The following CCDC171 variants were observed in gnomAD, a reference collection of about 807,000 sequenced individuals.
CCDC171 encodes the protein coiled-coil domain-containing protein 171.
CCDC171 carries 177 observed loss-of-function variants against 168.2 expected under a neutral mutation model. The observed-to-expected ratio is 1.05, with a 90% CI of 0.93 to 1.19. The LOEUF is 1.19. CCDC171 is among the 50% of genes most tolerant of loss of function. CCDC171 has a pLI of 0.00. For missense variants in CCDC171, 1,991 were observed against 1,539.0 expected, an observed-to-expected ratio of 1.29 and a Z score of -4.91; for synonymous variants, 687 against 540.8, an observed-to-expected ratio of 1.27 and a Z score of -3.75.
In CCDC171 at chr9:15,695,298, A is replaced by G. The variant is rs760544123; in HGVS notation, c.1279A>G (p.Ile427Val). 1 of 1,614,134 alleles carries G rather than the reference A, an allele frequency of 6.2e-7. No individual in the cohort carries two copies. The highest frequency in any genetic ancestry group is 1.1e-5 in the South Asian group (1 of 91,080). The change falls in exon 11 of 26, where the codon ATC (isoleucine) becomes GTC (valine). Residue 427 changes from isoleucine (I) to valine (V), a missense_variant. Physicochemically the swap from Ile to Val is conservative, Grantham distance 29. Coordinates refer to ENST00000380701, the MANE Select transcript of CCDC171 (RefSeq NM_173550.4). Reference sequence around the variant, plus strand: ...AAATAACGTGAAAGAATTGGAATCGATCTTGGACAGCTTTACTGTGTCGGG... The same window carrying G: ...AAATAACGTGAAAGAATTGGAATCGGTCTTGGACAGCTTTACTGTGTCGGG... The part of the protein sequence containing the change: ...CENNVKELES[I>V]LDSFTVSGQW...
At chr9:15,677,806 T>TAC (rs576144654) in intron 9 of CCDC171, among the ~76,000 whole-genome samples, 22 of 136,932 alleles carry the variant, frequency 1.6e-4, no homozygotes, top group Admixed American at 3.0e-4. Flanking sequence ...CTCATATATA[T>TAC]ACACACACAC....
intron 22 of CCDC171, 135 bp downstream of exon 22, chr9:15,846,982 G>A: frequency 1.5e-6 from 1 of 673,362 alleles, no homozygotes. Context: ...GAAATTCTCT[G>A]ATATATCCTC....
rs201458239 is a variant in CCDC171, at chr9:15,828,325, A to G, written c.3268-18377A>G. 2.3e-3 allele frequency among the ~76,000 whole-genome samples: 111 copies of G among 47,448 alleles called. No individual in the cohort carries two copies. In the East Asian group the frequency reaches 0.064, roughly 27 times the overall value. 31.1% of individuals were successfully genotyped at this position (47,448 alleles called of 152,430 possible). On this transcript the variant is annotated intron_variant, in intron 21 of 25. Transcript: ENST00000380701. ...ATTTGGAAGGCAGGAGGTAAAAGAG[A>G]AGATACAGAAAAAAAAAAACAGGAC...
At chr9:15,780,928 C>A (rs1191737919) in intron 20 of CCDC171, among the ~76,000 whole-genome samples, 3 of 151,990 alleles carry the variant, frequency 2.0e-5, no homozygotes, top group African/African-American at 4.8e-5. Flanking sequence ...AAAACGAATT[C>A]TTTTGAAGCA....
chr9:15,993,691 C>G (rs1413368766), intron 3 of CCDC171, among the ~76,000 whole-genome samples: 2 of 152,148 alleles, frequency 1.3e-5, no homozygotes, highest in East Asian at 3.8e-4. Flanking sequence ...TTGCAATCTA[C>G]TCATCTGACA....
intron 5 of CCDC171, 33 bp from the exon 6 acceptor site, chr9:15,594,008 C>G: frequency 6.7e-7 from 1 of 1,492,200 alleles, no homozygotes; most frequent in South Asian, 1.2e-5. Flanking sequence ...TTTTATTGAT[C>G]TAACAGTAAA....
chr9:15,576,292 T>C (rs984476125), intron 3 of CCDC171, among the ~76,000 whole-genome samples: 4 of 151,990 alleles, frequency 2.6e-5, no homozygotes, highest in African/African-American at 9.7e-5. Context: ...CAAGTGATTT[T>C]ATGCTGTAGC....
intron 6 of CCDC171, among the ~76,000 whole-genome samples, chr9:15,608,215 C>T (rs1344015110): frequency 6.6e-6 from 1 of 152,162 alleles, no homozygotes; most frequent in East Asian, 1.9e-4. Context: ...TTAAAGGCCC[C>T]ACTTCTCAAA....
At chr9:15,833,224 T>C (rs1175239954) in intron 21 of CCDC171, among the ~76,000 whole-genome samples, 1 of 152,060 alleles carries the variant, frequency 6.6e-6, no homozygotes, top group Non-Finnish European at 1.5e-5. Context: ...ACTCCTGACC[T>C]CTGGTGATCT....
intron 11 of CCDC171, among the ~76,000 whole-genome samples, chr9:15,715,589 A>T (rs2053018679): frequency 6.6e-6 from 1 of 152,252 alleles, no homozygotes; most frequent in South Asian, 2.1e-4. Context: ...TCAAAACATG[A>T]ACGTGACTAC....
chr9:16,058,665 G>A (rs548569316), intron 1 of CCDC171, among the ~76,000 whole-genome samples: 2 of 152,296 alleles, frequency 1.3e-5, no homozygotes, highest in East Asian at 3.9e-4. Flanking sequence ...CCAATTCCCC[G>A]CTGTGTTTCC....
intron 25 of CCDC171, among the ~76,000 whole-genome samples, chr9:15,944,581 T>A (rs1448060260): frequency 6.6e-6 from 1 of 152,024 alleles, no homozygotes; most frequent in Non-Finnish European, 1.5e-5. Context: ...TATTACGTAT[T>A]GAAGCAAATA....
At chr9:15,803,213 G>A (rs1563764330) in intron 21 of CCDC171, among the ~76,000 whole-genome samples, 2 of 152,136 alleles carry the variant, frequency 1.3e-5, no homozygotes, top group Admixed American at 1.3e-4. Flanking sequence ...TAGGTTGTCT[G>A]TTTACTCCAT....
intron 1 of CCDC171, among the ~76,000 whole-genome samples, chr9:15,561,735 C>T (rs1313389689): frequency 6.6e-6 from 1 of 152,004 alleles, no homozygotes; most frequent in East Asian, 1.9e-4. Flanking sequence ...TTTGGTCCTT[C>T]ATTGATTTAG....
chr9:15,560,506 C>A (rs535117853), intron 1 of CCDC171, among the ~76,000 whole-genome samples: 1 of 152,026 alleles, frequency 6.6e-6, no homozygotes, highest in Non-Finnish European at 1.5e-5. Context: ...CTCCTTCTTC[C>A]ACTTGATCAA....
intron 25 of CCDC171, among the ~76,000 whole-genome samples, chr9:15,950,886 G>T (rs1473780271): frequency 6.6e-6 from 1 of 151,130 alleles, no homozygotes; most frequent in Non-Finnish European, 1.5e-5. Flanking sequence ...GCCATCTCAC[G>T]TGCAGAGACA....
intron 17 of CCDC171, among the ~76,000 whole-genome samples, 179 bp downstream of exon 17, chr9:15,744,956 G>C (rs972311270): frequency 6.6e-6 from 1 of 152,118 alleles, no homozygotes; most frequent in Non-Finnish European, 1.5e-5. Context: ...TATAAATTAG[G>C]CTGTGATTTT....
In CCDC171 at chr9:15,820,547, C is replaced by A. The variant is rs1198831650; in HGVS notation, c.3268-26155C>A. Among the ~76,000 whole-genome samples, 2 of 117,372 alleles carry A rather than the reference C, an allele frequency of 1.7e-5. 1 individual carries two copies. The highest frequency in any genetic ancestry group is 1.6e-4 in the Admixed American group (2 of 12,436). 77.0% of individuals were successfully genotyped at this position (117,372 alleles called of 152,430 possible). On this transcript the variant is annotated intron_variant, in intron 21 of 25. Coordinates refer to ENST00000380701, the MANE Select transcript of CCDC171 (RefSeq NM_173550.4). ...CAGAAATACAAACTACCATCAGAGA[C>A]TGCTATAAACACCTCTATGCAAATA... is the stretch of plus-strand genomic sequence containing the variant.
intron 24 of CCDC171, among the ~76,000 whole-genome samples, chr9:15,919,026 TAGTAAAGAAGATAA>T (rs1183767406): frequency 6.6e-6 from 1 of 151,640 alleles, no homozygotes; most frequent in Non-Finnish European, 1.5e-5. Flanking sequence ...CTTCTCAGTC[TAGTAAAGAAGATAA>T]ACATGTAAAC....
Sources: allele counts gnomAD v4.1 joint callset (sites outside exome capture counted in the v4.1 genomes callset), GRCh38; gene constraint gnomAD v4.1.1; transcripts MANE v1.5; gene names NCBI Gene and HGNC (gene_info 2026-07-23, HGNC 2026-07-21).